The following ELF1 variants were observed in gnomAD, a reference collection of about 807,000 sequenced individuals.
The protein encoded by ELF1 is E74 like ETS transcription factor 1, also known as ETS-related transcription factor Elf-1.
ELF1 carries 24 observed loss-of-function variants against 59.9 expected under a neutral mutation model. That is an observed-to-expected ratio of 0.40 (90% CI 0.29 to 0.56). ELF1 has a LOEUF of 0.56. Ranked by LOEUF, ELF1 falls within the 20% of genes least tolerant of loss-of-function variation. ELF1 has a pLI of 0.44. For missense variants in ELF1, 627 were observed against 742.2 expected, an observed-to-expected ratio of 0.84 and a Z score of 1.80; for synonymous variants, 248 against 266.2, an observed-to-expected ratio of 0.93 and a Z score of 0.67.
chr13:41,045,706 G>A (rs536308642), intron 1 of ELF1, among the ~76,000 whole-genome samples: 10 of 152,246 alleles, frequency 6.6e-5, no homozygotes, highest in African/African-American at 9.6e-5. Flanking sequence ...CCAACTATGT[G>A]GTCAATTTTG....
intron 1 of ELF1, among the ~76,000 whole-genome samples, chr13:40,984,506 C>G (rs1031079376): frequency 6.6e-6 from 1 of 152,186 alleles, no homozygotes; most frequent in Non-Finnish European, 1.5e-5. Context: ...AGTTCAAGGC[C>G]GTAGTGAGCC....
At chr13:41,047,978 G>A (rs1463468814) in intron 1 of ELF1, among the ~76,000 whole-genome samples, 4 of 152,228 alleles carry the variant, frequency 2.6e-5, no homozygotes, top group African/African-American at 9.6e-5. Flanking sequence ...CAGCAATGGC[G>A]GGTGCCCCTT....
intron 1 of ELF1, among the ~76,000 whole-genome samples, chr13:40,988,715 T>A (rs892976659): frequency 6.6e-6 from 1 of 152,254 alleles, no homozygotes; most frequent in Non-Finnish European, 1.5e-5. Flanking sequence ...AAAGGAAACA[T>A]GTATAAGCCT....
chr13:41,011,908 T>A (rs554247763), intron 1 of ELF1, among the ~76,000 whole-genome samples: 1 of 152,266 alleles, frequency 6.6e-6, no homozygotes, highest in Non-Finnish European at 1.5e-5. Context: ...GCAAAGTTTA[T>A]TGCCACATTC....
chr13:40,981,924 A>G, intron 2 of ELF1, 59 bp downstream of exon 2: 1 of 1,545,986 alleles, frequency 6.5e-7, no homozygotes, highest in Admixed American at 2.0e-5. Context: ...TAATTTTCTG[A>G]TATGAATAGA....
chr13:40,956,434 T>C (rs893305614), intron 3 of ELF1, among the ~76,000 whole-genome samples: 5 of 152,074 alleles, frequency 3.3e-5, no homozygotes, highest in South Asian at 4.1e-4. Flanking sequence ...ACAAACACTG[T>C]GGAAGGCCGC....
chr13:41,003,414 G>A (rs1874576791), intron 1 of ELF1, among the ~76,000 whole-genome samples: 1 of 138,342 alleles, frequency 7.2e-6, no homozygotes, highest in African/African-American at 2.8e-5. Context: ...CCTTAAATTT[G>A]ACTTTGATCA....
At chr13:40,972,733 A>C (rs2138239845) in intron 2 of ELF1, among the ~76,000 whole-genome samples, 1 of 152,280 alleles carries the variant, frequency 6.6e-6, no homozygotes, top group Admixed American at 6.5e-5. Context: ...GATATGTAAA[A>C]ACTTGTCTAA....
intron 1 of ELF1, among the ~76,000 whole-genome samples, chr13:41,030,782 AG>A (rs1412897411): frequency 6.8e-6 from 1 of 147,432 alleles, no homozygotes; most frequent in Non-Finnish European, 1.5e-5. Flanking sequence ...TTGTTGTGAA[AG>A]GGTCAAGAGA....
intron 2 of ELF1, among the ~76,000 whole-genome samples, chr13:40,968,246 T>C (rs1234253679): frequency 6.6e-6 from 1 of 152,186 alleles, no homozygotes; most frequent in Non-Finnish European, 1.5e-5. Flanking sequence ...TGGTATTCCT[T>C]CATTACCTCA....
intron 2 of ELF1, among the ~76,000 whole-genome samples, chr13:40,962,435 C>G (rs1871885990): frequency 1.3e-5 from 2 of 151,892 alleles, no homozygotes; most frequent in Admixed American, 1.3e-4. Context: ...GCAATCCCAG[C>G]ACTTTGGGAG....
At chr13:41,012,926 ATAG>A (rs1875162295) in intron 1 of ELF1, among the ~76,000 whole-genome samples, 1 of 152,122 alleles carries the variant, frequency 6.6e-6, no homozygotes, top group Admixed American at 6.6e-5. Context: ...ATATATCAAG[ATAG>A]TAGGATTGCT....
chr13:41,041,683 A>G (rs555149183), intron 1 of ELF1, among the ~76,000 whole-genome samples: 1 of 151,892 alleles, frequency 6.6e-6, no homozygotes, highest in African/African-American at 2.4e-5. Flanking sequence ...TCCAGGGGGA[A>G]AAAAAAAGGG....
rs1424272154 is a variant in ELF1 at position 40,959,105 on chromosome 13, G to A, written c.73-89C>T. The A allele has an allele frequency of 5.6e-6, 8 of 1,441,222 alleles. No individual in the cohort carries two copies. In the African/African-American group the frequency reaches 7.1e-5, roughly 13 times the overall value. 89.3% of individuals were successfully genotyped at this position (1,441,222 alleles called of 1,614,324 possible). Reference sequence around the variant, plus strand: ...TAATGCTCAAAACTATTTTATACTAGCCATCAATTTAATTTTTAGATCATC... The same window carrying A: ...TAATGCTCAAAACTATTTTATACTAACCATCAATTTAATTTTTAGATCATC... On this transcript the variant is annotated intron_variant, in intron 2 of 8. Coordinates refer to ENST00000239882, the MANE Select transcript of ELF1 (RefSeq NM_172373.4).
At chr13:41,043,576 CTTGT>C (rs761547537) in intron 1 of ELF1, among the ~76,000 whole-genome samples, 5 of 152,138 alleles carry the variant, frequency 3.3e-5, no homozygotes, top group African/African-American at 1.2e-4. Context: ...TTCCCCATTG[CTTGT>C]TTTTGTCAGG....
At chr13:40,980,348 A>G (rs1383356150) in intron 2 of ELF1, among the ~76,000 whole-genome samples, 1 of 152,196 alleles carries the variant, frequency 6.6e-6, no homozygotes, top group Admixed American at 6.5e-5. Flanking sequence ...TGCACAAAAT[A>G]TAGATTCATT....
At chr13:41,052,800 CCTAAT>C in intron 1 of ELF1, among the ~76,000 whole-genome samples, 1 of 152,216 alleles carries the variant, frequency 6.6e-6, no homozygotes. Context: ...ATAATACTAA[CCTAAT>C]CTAAATGATC....
chr13:41,002,620 A>AAAT (rs1874526303), intron 1 of ELF1, among the ~76,000 whole-genome samples: 1 of 151,644 alleles, frequency 6.6e-6, no homozygotes, highest in African/African-American at 2.4e-5. Flanking sequence ...CCATCTCAAA[A>AAAT]AAATAAATAA....
chr13:41,013,687 T>C (rs1244924065), intron 1 of ELF1, among the ~76,000 whole-genome samples: 1 of 152,060 alleles, frequency 6.6e-6, no homozygotes, highest in African/African-American at 2.4e-5. Context: ...ATACAAAATA[T>C]TTACCCATGT....
Sources: gnomAD v4.1 joint callset for allele counts (sites outside exome capture counted in the v4.1 genomes callset) on GRCh38, gnomAD v4.1.1 for gene constraint, MANE v1.5 for transcripts, NCBI Gene and HGNC (gene_info 2026-07-23, HGNC 2026-07-21) for gene names.